CFI: variants seen among roughly 807,000 people sequenced by gnomAD.
The protein encoded by CFI is C3B/C4B inactivator.
In CFI, 66 loss-of-function variants were observed where a neutral mutation model predicts 78.8. That is an observed-to-expected ratio of 0.84 (90% confidence interval 0.69 to 1.03). CFI has a LOEUF of 1.03. Among genes scored for constraint, CFI ranks in the 50% least tolerant of loss-of-function variants. CFI has a pLI of 0.00. For synonymous variants in CFI, 250 were observed against 232.6 expected, an observed-to-expected ratio of 1.07 and a Z score of -0.68; for missense variants, 706 against 704.5, an observed-to-expected ratio of 1.00 and a Z score of -0.02.
chr4:109,743,835 A>AAAAAATAC (rs1478208973), intron 11 of CFI, among the ~76,000 whole-genome samples: 1 of 152,000 alleles, frequency 6.6e-6, no homozygotes, highest in African/African-American at 2.4e-5. Flanking sequence ...CCATCTCTAC[A>AAAAAATAC]AAAAATACAA....
At chr4:109,791,366 C>A (rs1182556208) in intron 1 of CFI, among the ~76,000 whole-genome samples, 2 of 151,636 alleles carry the variant, frequency 1.3e-5, no homozygotes, top group African/African-American at 4.8e-5. Context: ...GCATAATTTG[C>A]AAACATTTTC....
intron 7 of CFI, among the ~76,000 whole-genome samples, chr4:109,753,616 T>A (rs1405516948): frequency 1.0e-5 from 1 of 97,244 alleles, no homozygotes; most frequent in Non-Finnish European, 1.8e-5. Flanking sequence ...ATATATTTAT[T>A]ATATATTTAT....
In CFI at chr4:109,790,512, G is replaced by C. The variant is rs553093685; in HGVS notation, c.57+11403C>G. On this transcript the variant is annotated intron_variant, in intron 1 of 12. Coordinates refer to ENST00000394634, the MANE Select transcript of CFI (RefSeq NM_000204.5). ...AGGTAAACTCGTGTCATGGGGGTTT[G>C]TTGTACAGATTATTGTATCACCCAG... Among the ~76,000 whole-genome samples the C allele has an allele frequency of 3.5e-4, 54 of 152,148 alleles. 1 individual carries two copies. The highest frequency in any genetic ancestry group is 3.3e-3 in the Admixed American group (50 of 15,278).
chr4:109,756,923 A>AAGAAAGAAAGAAAG (rs1726302251), intron 7 of CFI, among the ~76,000 whole-genome samples: 1 of 146,978 alleles, frequency 6.8e-6, no homozygotes, highest in South Asian at 2.3e-4. Flanking sequence ...GAAAGAAAGA[A>AAGAAAGAAAGAAAG]AGAAAGAAAG....
chr4:109,734,484 T>C, the CFI span, among the ~76,000 whole-genome samples: 1 of 152,068 alleles, frequency 6.6e-6, no homozygotes, highest in Non-Finnish European at 1.5e-5. Flanking sequence ...AACACAGTTG[T>C]AGTCAGAGGA....
intron 1 of CFI, among the ~76,000 whole-genome samples, chr4:109,783,471 G>A (rs988783338): frequency 1.3e-5 from 2 of 151,934 alleles, no homozygotes; most frequent in African/African-American, 4.8e-5. Context: ...AAACCACAAT[G>A]TGATACCACC....
chr4:109,734,629 C>T, the CFI span, among the ~76,000 whole-genome samples: 1 of 152,108 alleles, frequency 6.6e-6, no homozygotes, highest in African/African-American at 2.4e-5. Flanking sequence ...TGGTGAAATC[C>T]TGTCTCTACT....
intron 6 of CFI, among the ~76,000 whole-genome samples, chr4:109,758,993 T>C (rs562315739): frequency 1.3e-5 from 2 of 152,286 alleles, no homozygotes; most frequent in Non-Finnish European, 2.9e-5. Flanking sequence ...CTCAGGAGGC[T>C]GAGGTGGGAG....
intron 2 of CFI, among the ~76,000 whole-genome samples, chr4:109,765,682 G>A (rs181387225): frequency 2.6e-5 from 4 of 152,318 alleles, no homozygotes; most frequent in Admixed American, 2.6e-4. Context: ...AGGGACTGTA[G>A]ACAAGATCTC....
rs535667232 is a variant in CFI at position 109,777,591 on chromosome 4, A to C, written c.58-10767T>G. On this transcript the variant is annotated intron_variant, in intron 1 of 12. Coordinates refer to ENST00000394634, the MANE Select transcript of CFI (RefSeq NM_000204.5). ...AGATCAATGAGACAGAAAGTTAACA[A>C]GGATATCCAGGAATTGAACTCAGCT... Among the ~76,000 whole-genome samples, 293 of 152,312 alleles carry C rather than the reference A, an allele frequency of 1.9e-3. 1 individual carries two copies. The highest frequency in any genetic ancestry group is 6.7e-3 in the African/African-American group (280 of 41,552).
rs768216926 is a variant in CFI, at chr4:109,741,009, A to C, written c.1636T>G (p.Trp546Gly). The C allele has an allele frequency of 6.2e-7, 1 of 1,614,162 alleles. No individual in the cohort carries two copies. The highest frequency in any genetic ancestry group is 1.1e-5 in the South Asian group (1 of 91,090). Residue 546 changes from tryptophan (W) to glycine (G), a missense_variant, in exon 13 of 13, where the codon TGG becomes GGG. Coordinates refer to ENST00000394634, the MANE Select transcript of CFI (RefSeq NM_000204.5). Reference protein sequence around the residue: ...NVTYVWGVVSWGENCGKPEFP... With the variant: ...NVTYVWGVVSGGENCGKPEFP... ...TCTGGTTTTCCACAGTTTTCCCCCC[A>C]ACTCACAACACCCCAGACATAAGTC... is the stretch of plus-strand genomic sequence containing the variant.
intron 12 of CFI, 65 bp downstream of exon 12, chr4:109,742,426 G>A: frequency 9.5e-7 from 1 of 1,056,546 alleles, no homozygotes; most frequent in East Asian, 2.4e-5. Context: ...GATGTGGTGG[G>A]AGGAGATGTT....
In CFI at chr4:109,749,568, T is replaced by G. The variant is rs1172411827; in HGVS notation, c.975A>C (p.Leu325=). ...RRRIKSLLPK[L]SCGVKNRMHI... is the part of the protein sequence containing the mutation. ...GCATTCTGTTTTTAACTCCACAAGA[T>G]AGTTTAGGTAATAATGATTTTATCC... Residue 325 remains leucine, a synonymous_variant, in exon 9 of 13, where the codon CTA becomes CTC. Transcript: ENST00000394634. 8.7e-6 allele frequency: 14 copies of G among 1,611,050 alleles called. No individual in the cohort carries two copies. The highest frequency in any genetic ancestry group is 1.2e-5 in the Non-Finnish European group (14 of 1,177,336).
chr4:109,799,248 G>C (rs138566386), intron 1 of CFI, among the ~76,000 whole-genome samples: 1 of 152,144 alleles, frequency 6.6e-6, no homozygotes, highest in Non-Finnish European at 1.5e-5. Context: ...AGACAGCTGA[G>C]ATTGCTCATT....
intron 1 of CFI, among the ~76,000 whole-genome samples, chr4:109,789,783 C>G (rs1165483272): frequency 6.6e-6 from 1 of 151,940 alleles, no homozygotes; most frequent in Non-Finnish European, 1.5e-5. Flanking sequence ...TGCAATTTTT[C>G]TTGTGGTATC....
At chr4:109,775,121 T>C (rs944374249) in intron 1 of CFI, among the ~76,000 whole-genome samples, 2 of 152,148 alleles carry the variant, frequency 1.3e-5, no homozygotes, top group Admixed American at 6.6e-5. Context: ...GGGTGATTTC[T>C]GCATTTCCAA....
intron 1 of CFI, among the ~76,000 whole-genome samples, chr4:109,797,299 C>T (rs11726234): frequency 0.23 from 35,200 of 152,064 alleles, 4,838 homozygotes; most frequent in Admixed American, 0.36. Context: ...TGCTCTTCAA[C>T]AAGGGAGCCA....
At chr4:109,744,678 G>A (rs777345059) in intron 11 of CFI, among the ~76,000 whole-genome samples, 2 of 152,088 alleles carry the variant, frequency 1.3e-5, no homozygotes, top group South Asian at 2.1e-4. Context: ...GGGTACCTGC[G>A]TAGCCCCTGT....
At chr4:109,756,884 GAAAGGAAAGAAAGAAA>G (rs1726233435) in intron 7 of CFI, among the ~76,000 whole-genome samples, 1 of 119,962 alleles carries the variant, frequency 8.3e-6, no homozygotes, top group Non-Finnish European at 1.7e-5. Flanking sequence ...AAGAAAGAAA[GAAAGGAAAGAAAGAAA>G]GAAAGAAAGA....
Sources: gnomAD v4.1 joint callset for allele counts (sites outside exome capture counted in the v4.1 genomes callset) on GRCh38, gnomAD v4.1.1 for gene constraint, MANE v1.5 for transcripts, NCBI Gene and HGNC (gene_info 2026-07-23, HGNC 2026-07-21) for gene names.